ADGRV1: variants seen among roughly 807,000 people sequenced by gnomAD.
ADGRV1 encodes the protein G-protein coupled receptor 98.
A neutral mutation model predicts 596.2 loss-of-function variants in ADGRV1; 359 were observed. The ratio of observed to expected loss-of-function variants is 0.60; its 90% CI spans 0.55 to 0.66. The LOEUF is 0.66. Ranked by LOEUF, ADGRV1 falls within the 30% of genes least tolerant of loss-of-function variation. The pLI is 0.00. For missense variants in ADGRV1, 7,274 were observed against 7,575.6 expected (o/e 0.96, Z 1.48); for synonymous variants, 2,681 against 2,679.2 (o/e 1.00, Z -0.02).
intron 59 of ADGRV1, among the ~76,000 whole-genome samples, chr5:90,764,010 C>T (rs1487523837): frequency 2.0e-5 from 3 of 152,094 alleles, no homozygotes; most frequent in Admixed American, 6.5e-5. Context: ...AGCACCTGCC[C>T]TGGTGTGGGC....
intron 50 of ADGRV1, among the ~76,000 whole-genome samples, chr5:90,735,366 TG>T (rs1753087246): frequency 6.6e-6 from 1 of 152,246 alleles, no homozygotes; most frequent in African/African-American, 2.4e-5. Flanking sequence ...CTATCCCATT[TG>T]ATCAGTCAGT....
In ADGRV1 at chr5:90,938,211, A is replaced by T. The variant is rs191898492; in HGVS notation, c.17857-27204A>T. On this transcript the variant is annotated intron_variant, in intron 83 of 89. Coordinates refer to ENST00000405460, the MANE Select transcript of ADGRV1 (RefSeq NM_032119.4). ...AGTAAGAGGGGAAAATAAAAAAAAA[A>T]TTTTTTGGAGTTGTCTGTCATTCAA... is the stretch of plus-strand genomic sequence containing the variant. 9.8e-3 allele frequency among the ~76,000 whole-genome samples: 1,497 copies of T among 152,186 alleles called. 20 individuals carry two copies. Among genetic ancestry groups the T allele is most frequent in the African/African-American group, 0.033 (1,366 of 41,514 alleles).
chr5:90,765,737 T>C (rs1337042304), intron 59 of ADGRV1, among the ~76,000 whole-genome samples: 1 of 151,948 alleles, frequency 6.6e-6, no homozygotes, highest in Non-Finnish European at 1.5e-5. Context: ...AGGGGTCTTA[T>C]TCTGTCACCC....
chr5:90,565,704 T>C (rs1755550888), intron 1 of ADGRV1, among the ~76,000 whole-genome samples: 1 of 152,238 alleles, frequency 6.6e-6, no homozygotes. Context: ...GTGGCCCATC[T>C]AGGAGTGGAA....
intron 23 of ADGRV1, chr5:90,674,460 G>T (rs1772947239): frequency 2.8e-6 from 1 of 351,526 alleles, no homozygotes; most frequent in Non-Finnish European, 5.0e-6. Context: ...AAAAGTTTTT[G>T]CAGGATTATT....
Position 90,976,214 on chromosome 5 carries a change from G to GTATATATATA in ADGRV1, c.17974-9129_17974-9128insATATATATAT, listed in dbSNP as rs199752660. On this transcript the variant is annotated intron_variant, in intron 84 of 89. Coordinates refer to ENST00000405460, the MANE Select transcript of ADGRV1 (RefSeq NM_032119.4). Reference sequence around the variant, plus strand: ...CAGACATGTGTTCTTGTGTGTGAGTGTGTATATATATATATATATACACAA... The same window carrying GTATATATATA: ...CAGACATGTGTTCTTGTGTGTGAGTGTATATATATATGTATATATATATATATATACACAA... Among the ~76,000 whole-genome samples the GTATATATATA allele has an allele frequency of 3.3e-3, 467 of 140,900 alleles. 6 individuals carry two copies. Among genetic ancestry groups the GTATATATATA allele is most frequent in the African/African-American group, 0.012 (415 of 35,112 alleles). The allele number at this position is 140,900 out of a possible 152,430, so 92.4% of individuals were successfully genotyped here. A position where few individuals can be genotyped will look rare whatever the true frequency, so the allele number is the denominator to read the frequency against.
intron 85 of ADGRV1, among the ~76,000 whole-genome samples, chr5:91,012,857 T>G (rs1373835212): frequency 6.6e-6 from 1 of 152,044 alleles, no homozygotes; most frequent in Non-Finnish European, 1.5e-5. Flanking sequence ...TATTTTTTTC[T>G]GTTCCTCTCC....
intron 1 of ADGRV1, among the ~76,000 whole-genome samples, chr5:90,592,090 T>C (rs1190873824): frequency 1.3e-5 from 2 of 152,230 alleles, no homozygotes; most frequent in Non-Finnish European, 2.9e-5. Context: ...GATCTGCCAT[T>C]TGATCCAGCA....
chr5:91,008,280 A>G (rs181298979), intron 85 of ADGRV1, among the ~76,000 whole-genome samples: 52 of 152,198 alleles, frequency 3.4e-4, no homozygotes, highest in Admixed American at 3.2e-3. Flanking sequence ...CTGTGTTTTA[A>G]ATTCTCCCAA....
At chr5:90,714,571 C>A (rs547595690) in intron 42 of ADGRV1, among the ~76,000 whole-genome samples, 193 of 151,960 alleles carry the variant, frequency 1.3e-3, no homozygotes, top group African/African-American at 4.6e-3. Flanking sequence ...CTACTATTTT[C>A]ATTGTTTTGA....
At chr5:91,005,342 C>A (rs1282187393) in intron 85 of ADGRV1, among the ~76,000 whole-genome samples, 1 of 151,708 alleles carries the variant, frequency 6.6e-6, no homozygotes, top group Non-Finnish European at 1.5e-5. Flanking sequence ...GGCAACAAAT[C>A]CAATTTGTTT....
intron 83 of ADGRV1, among the ~76,000 whole-genome samples, chr5:90,936,097 T>G (rs923678804): frequency 1.3e-5 from 2 of 152,198 alleles, no homozygotes; most frequent in African/African-American, 4.8e-5. Flanking sequence ...GCTTTTTATG[T>G]ACCCTAGACT....
rs575528954 is a variant in ADGRV1 at position 90,778,229 on chromosome 5, G to C, written c.12666+186G>C. ...GTGTGTGTGTGTGTGTGGTGTGTGT[G>C]TGTACGGTTGACAATGGAGATTGGG... On this transcript the variant is annotated intron_variant, in intron 62 of 89. Coordinates refer to ENST00000405460, the MANE Select transcript of ADGRV1 (RefSeq NM_032119.4). Among the ~76,000 whole-genome samples the C allele has an allele frequency of 1.1e-3, 169 of 152,000 alleles. 1 individual carries two copies. The highest frequency in any genetic ancestry group is 1.8e-3 in the Non-Finnish European group (122 of 67,942).
rs780084029 is a variant in ADGRV1, at chr5:91,153,295, A to T, written c.18699A>T (p.Gln6233His). 1.2e-6 allele frequency: 2 copies of T among 1,611,092 alleles called. No individual in the cohort carries two copies. The highest frequency in any genetic ancestry group is 3.4e-5 in the Admixed American group (2 of 59,674). Residue 6233 changes from glutamine to histidine, a missense_variant, in exon 89 of 90, where the codon CAA becomes CAT. Coordinates refer to ENST00000405460, the MANE Select transcript of ADGRV1 (RefSeq NM_032119.4). ...QASPDLKPSP[Q>H]NGATFPSSGG... ...GCCCTGATTTAAAGCCAAGTCCACA[A>T]AATGGAGCCACGTTCCCGTCCTCTG...
chr5:90,674,838 GTTTATT>G (rs1205030056), intron 23 of ADGRV1, among the ~76,000 whole-genome samples: 2 of 152,024 alleles, frequency 1.3e-5, no homozygotes, highest in African/African-American at 4.8e-5. Flanking sequence ...TTGTTGATTT[GTTTATT>G]TTTAAGTGTT....
rs1795893811 is a variant in ADGRV1, at chr5:91,149,961, A to G, written c.18433-69A>G. On this transcript the variant is annotated intron_variant, in intron 87 of 89. Coordinates refer to ENST00000405460, the MANE Select transcript of ADGRV1 (RefSeq NM_032119.4). ...ATGTTTATTCTTCAGCTACGGTAGC[A>G]GGACTGACTTTGACATGCTGATGTT... 3.0e-5 allele frequency: 39 copies of G among 1,301,974 alleles called. 1 individual carries two copies. The highest frequency in any genetic ancestry group is 3.9e-5 in the Non-Finnish European group (37 of 959,152). 80.7% of individuals were successfully genotyped at this position (1,301,974 alleles called of 1,614,324 possible). A position where few individuals can be genotyped will look rare whatever the true frequency, so the allele number is the denominator to read the frequency against.
chr5:90,868,605 G>A (rs1398644164), intron 83 of ADGRV1, among the ~76,000 whole-genome samples: 3 of 149,228 alleles, frequency 2.0e-5, no homozygotes, highest in Non-Finnish European at 4.4e-5. Context: ...CCAAGATCCT[G>A]TAGGTGCCCT....
intron 1 of ADGRV1, among the ~76,000 whole-genome samples, chr5:90,612,788 G>A (rs1762870627): frequency 6.6e-6 from 1 of 152,040 alleles, no homozygotes; most frequent in African/African-American, 2.4e-5. Context: ...ATATAGCATT[G>A]AAAAGTTCAG....
chr5:91,137,984 G>C (rs1444941896), intron 87 of ADGRV1, among the ~76,000 whole-genome samples: 2 of 152,176 alleles, frequency 1.3e-5, no homozygotes, highest in African/African-American at 4.8e-5. Context: ...CTACAATGCT[G>C]GTCCCTTGGC....
Sources: gnomAD v4.1 joint callset for allele counts (sites outside exome capture counted in the v4.1 genomes callset) on GRCh38, gnomAD v4.1.1 for gene constraint, MANE v1.5 for transcripts, NCBI Gene and HGNC (gene_info 2026-07-23, HGNC 2026-07-21) for gene names.